Variants in PAPSS1 observed in about 807,000 individuals in gnomAD.
PAPSS1 encodes the protein bifunctional 3'-phosphoadenosine 5'-phosphosulfate synthase 1.
Under a neutral mutation model 72.0 loss-of-function variants are expected in PAPSS1, and 50 were observed. The ratio of observed to expected loss-of-function variants is 0.69; its 90% CI spans 0.55 to 0.88. The LOEUF (loss-of-function observed/expected upper bound fraction) is 0.88. PAPSS1 is among the 40% of genes least tolerant of loss of function. The pLI, the probability that PAPSS1 is intolerant of heterozygous loss-of-function variation, is 0.00. For missense variants in PAPSS1, 657 were observed against 782.2 expected, an observed-to-expected ratio of 0.84 and a Z score of 1.91; for synonymous variants, 261 against 263.6, an observed-to-expected ratio of 0.99 and a Z score of 0.09.
chr4:107,702,527 G>A (rs982220316), intron 1 of PAPSS1, among the ~76,000 whole-genome samples: 6 of 151,968 alleles, frequency 3.9e-5, no homozygotes, highest in Admixed American at 6.6e-5. Flanking sequence ...CCCAAACCTC[G>A]CAGTCCCTGA....
chr4:107,639,415 C>T lies in PAPSS1; in HGVS notation c.1506+5387G>A, dbSNP rs199618442. Among the ~76,000 whole-genome samples, 16 of 152,260 alleles carry T rather than the reference C, an allele frequency of 1.1e-4. No homozygotes were observed. In the East Asian group the frequency reaches 2.7e-3, roughly 26 times the overall value. On this transcript the variant is annotated intron_variant, in intron 10 of 11. Coordinates refer to ENST00000265174, the MANE Select transcript of PAPSS1 (RefSeq NM_005443.5). ...CTCAGTTTTGTAACTCACTTGGTAGCAAAACCTGATCAAAACTGAGGAAGT... is the reference window on the plus strand; with the variant it reads ...CTCAGTTTTGTAACTCACTTGGTAGTAAAACCTGATCAAAACTGAGGAAGT...
intron 2 of PAPSS1, among the ~76,000 whole-genome samples, chr4:107,700,896 C>G (rs1271211033): frequency 6.6e-6 from 1 of 152,056 alleles, no homozygotes; most frequent in Non-Finnish European, 1.5e-5. Context: ...GAATCCAGAT[C>G]TTATTTGCAC....
chr4:107,697,736 T>C lies in PAPSS1; in HGVS notation c.175+3435A>G, dbSNP rs75536955. ...ATGGATAACTGGTATACCTGAAGAA[T>C]AGAAACCAGCTCTACTGGGTTGAAT... On this transcript the variant is annotated intron_variant, in intron 2 of 11. Transcript: ENST00000265174. Among the ~76,000 whole-genome samples, 662 of 152,280 alleles carry C rather than the reference T, an allele frequency of 4.3e-3. 22 individuals are homozygous for C. In the South Asian group the frequency reaches 0.099, roughly 23 times the overall value.
rs1723006065 is a variant in PAPSS1 at position 107,694,015 on chromosome 4, A to G, written c.176-9T>C. 1 of 1,532,334 alleles carries G rather than the reference A, an allele frequency of 6.5e-7. No homozygotes were observed. Among genetic ancestry groups the G allele is most frequent in the African/African-American group, 1.4e-5 (1 of 73,304 alleles). 94.9% of individuals were successfully genotyped at this position (1,532,334 alleles called of 1,614,324 possible). A position where few individuals can be genotyped will look rare whatever the true frequency, so the allele number is the denominator to read the frequency against. On this transcript the variant is annotated splice_polypyrimidine_tract_variant and intron_variant, in intron 2 of 11. Transcript: ENST00000265174. ...TCCCGCTCCAGACAAGCCTAAAATT[A>G]AACAGTCCAAACAGATTCCATGTGT...
intron 1 of PAPSS1, among the ~76,000 whole-genome samples, chr4:107,714,205 T>C (rs924698766): frequency 3.3e-5 from 5 of 152,224 alleles, no homozygotes; most frequent in African/African-American, 1.2e-4. Flanking sequence ...TAAATCGTTT[T>C]AGTCAGAATA....
chr4:107,717,371 G>A (rs1240812749), intron 1 of PAPSS1, among the ~76,000 whole-genome samples: 1 of 152,108 alleles, frequency 6.6e-6, no homozygotes, highest in Non-Finnish European at 1.5e-5. Context: ...ACATCTCTGT[G>A]CCTCAGTTTT....
chr4:107,677,628 C>T (rs895288496), intron 5 of PAPSS1, among the ~76,000 whole-genome samples: 1 of 152,092 alleles, frequency 6.6e-6, no homozygotes, highest in Non-Finnish European at 1.5e-5. Context: ...GTCAGTGTGG[C>T]AATTCCTCAG....
intron 11 of PAPSS1, among the ~76,000 whole-genome samples, chr4:107,631,294 T>C (rs1726219393): frequency 6.6e-6 from 1 of 152,186 alleles, no homozygotes; most frequent in Non-Finnish European, 1.5e-5. Flanking sequence ...AAATTCTCTC[T>C]CCATACATAG....
intron 2 of PAPSS1, among the ~76,000 whole-genome samples, chr4:107,699,550 AC>A (rs1723157759): frequency 6.6e-6 from 1 of 152,162 alleles, no homozygotes; most frequent in African/African-American, 2.4e-5. Context: ...ATGGAAAAAA[AC>A]GAAAATGGAT....
At chr4:107,628,351 C>T (rs1476024867) in intron 11 of PAPSS1, among the ~76,000 whole-genome samples, 1 of 152,166 alleles carries the variant, frequency 6.6e-6, no homozygotes, top group Non-Finnish European at 1.5e-5. Flanking sequence ...AAACTACATC[C>T]ATTTTAGAAA....
At chr4:107,706,238 T>C (rs1253621387) in intron 1 of PAPSS1, among the ~76,000 whole-genome samples, 5 of 152,212 alleles carry the variant, frequency 3.3e-5, no homozygotes, top group Non-Finnish European at 5.9e-5. Flanking sequence ...TGTAACCCTC[T>C]TTCTCTTCTC....
At chr4:107,676,048 C>A (rs796551449) in intron 5 of PAPSS1, among the ~76,000 whole-genome samples, 4 of 152,156 alleles carry the variant, frequency 2.6e-5, no homozygotes, top group Non-Finnish European at 4.4e-5. Context: ...ATAATAAGAG[C>A]TATCTATGAC....
intron 2 of PAPSS1, chr4:107,694,221 C>A: frequency 3.9e-6 from 2 of 508,198 alleles, no homozygotes; most frequent in East Asian, 6.3e-5. Flanking sequence ...CCACCACATC[C>A]AACTTATTTT....
intron 1 of PAPSS1, among the ~76,000 whole-genome samples, chr4:107,713,760 CA>C (rs111667474): frequency 0.016 from 661 of 41,510 alleles, 4 homozygotes; most frequent in African/African-American, 0.032. Flanking sequence ...CTGTCTCAAA[CA>C]AAAAAAAAAA....
chr4:107,625,907 C>T (rs943783875), intron 11 of PAPSS1, among the ~76,000 whole-genome samples: 7 of 152,006 alleles, frequency 4.6e-5, no homozygotes, highest in Admixed American at 2.0e-4. Flanking sequence ...CTGGGCCGGG[C>T]GCGGTGGCTC....
Position 107,706,012 on chromosome 4 carries a change from C to T in PAPSS1, c.61-4727G>A, listed in dbSNP as rs539587818. Among the ~76,000 whole-genome samples, 273 of 152,302 alleles carry T rather than the reference C, an allele frequency of 1.8e-3. 1 individual carries two copies. The highest frequency in any genetic ancestry group is 3.4e-3 in the Non-Finnish European group (231 of 68,028). On this transcript the variant is annotated intron_variant, in intron 1 of 11. Transcript: ENST00000265174. ...TCTCTCCTGGACTACAAAATTTCTG[C>T]TGAAAAGTCTGCTGCTAGCATTTTT...
chr4:107,642,622 T>C (rs1003991698), intron 10 of PAPSS1, among the ~76,000 whole-genome samples: 1 of 152,212 alleles, frequency 6.6e-6, no homozygotes, highest in African/African-American at 2.4e-5. Context: ...CAATAAAATA[T>C]GGACTATTAT....
chr4:107,645,134 C>G (rs1007769021), intron 9 of PAPSS1, 64 bp from the exon 10 acceptor site: 53 of 1,284,976 alleles, frequency 4.1e-5, no homozygotes, highest in Non-Finnish European at 5.3e-5. Context: ...CCAAAGGATA[C>G]GCAATTTTTC....
chr4:107,658,208 CA>C (rs34479259), intron 6 of PAPSS1, among the ~76,000 whole-genome samples: 28,762 of 128,720 alleles, frequency 0.22, 3,054 homozygotes, highest in East Asian at 0.4. Context: ...AAGTGACTCA[CA>C]AAAAAAGTGA....
Sources: gnomAD v4.1 joint callset for allele counts (sites outside exome capture counted in the v4.1 genomes callset) on GRCh38, gnomAD v4.1.1 for gene constraint, MANE v1.5 for transcripts, NCBI Gene and HGNC (gene_info 2026-07-23, HGNC 2026-07-21) for gene names.